MLIP: variants seen among roughly 807,000 people sequenced by gnomAD.
The protein encoded by MLIP is muscular LMNA-interacting protein.
MLIP carries 79 observed loss-of-function variants against 84.8 expected under a neutral mutation model. The ratio of observed to expected loss-of-function variants is 0.93; its 90% CI spans 0.78 to 1.12. MLIP has a LOEUF of 1.12. MLIP is among the 50% of genes most tolerant of loss of function. The probability of loss-of-function intolerance (pLI) is 0.00; values close to 1 mark genes in which losing one functional copy is unlikely to be tolerated. For missense variants in MLIP, 1,257 were observed against 1,160.6 expected, an observed-to-expected ratio of 1.08 and a Z score of -1.21; for synonymous variants, 504 against 463.0, an observed-to-expected ratio of 1.09 and a Z score of -1.14.
chr6:54,049,527 T>G (rs990046646), intron 1 of MLIP, among the ~76,000 whole-genome samples: 3 of 152,138 alleles, frequency 2.0e-5, no homozygotes, highest in Admixed American at 2.0e-4. Flanking sequence ...CCCACAAAGA[T>G]AAATGTTAGG....
chr6:54,240,095 A>T (rs971634427), intron 12 of MLIP, among the ~76,000 whole-genome samples: 1 of 152,122 alleles, frequency 6.6e-6, no homozygotes, highest in Non-Finnish European at 1.5e-5. Flanking sequence ...AGTAATTCAA[A>T]CTCTTGCTTT....
chr6:54,149,703 A>C (rs1773236135), intron 5 of MLIP, among the ~76,000 whole-genome samples: 1 of 152,150 alleles, frequency 6.6e-6, no homozygotes, highest in Non-Finnish European at 1.5e-5. Context: ...ACAGAAGGGA[A>C]GACTGAGATG....
At chr6:54,062,551 C>T (rs934914609) in intron 1 of MLIP, among the ~76,000 whole-genome samples, 4 of 152,072 alleles carry the variant, frequency 2.6e-5, no homozygotes, top group African/African-American at 4.8e-5. Context: ...CTGATTTACT[C>T]GCCTTCCATA....
chr6:54,080,200 A>T (rs764901374), intron 1 of MLIP, among the ~76,000 whole-genome samples: 20 of 151,478 alleles, frequency 1.3e-4, no homozygotes, highest in Middle Eastern at 6.3e-3. Flanking sequence ...TGCTTCCCTT[A>T]CCTCCTCTGG....
intron 12 of MLIP, among the ~76,000 whole-genome samples, chr6:54,237,026 C>T (rs551771350): frequency 6.6e-5 from 10 of 152,008 alleles, no homozygotes; most frequent in Admixed American, 4.6e-4. Context: ...GACATAACTG[C>T]TGTGAATAAT....
intron 12 of MLIP, among the ~76,000 whole-genome samples, chr6:54,254,372 G>GC (rs1562112890): frequency 6.6e-6 from 1 of 151,766 alleles, no homozygotes; most frequent in Non-Finnish European, 1.5e-5. Context: ...TGATCCACCC[G>GC]CCTAGGCCTC....
At chr6:54,109,337 A>G (rs1224847097), upstream of MLIP, among the ~76,000 whole-genome samples, 1 of 152,130 alleles carries the variant, frequency 6.6e-6, no homozygotes, top group Admixed American at 6.5e-5. Flanking sequence ...AGAGCTAAGA[A>G]TCTGTGGAAA....
chr6:54,255,551 A>G (rs1782951101), intron 12 of MLIP, among the ~76,000 whole-genome samples: 1 of 152,224 alleles, frequency 6.6e-6, no homozygotes, highest in African/African-American at 2.4e-5. Context: ...TGCCAAAGCT[A>G]AATATAAATG....
At chr6:54,021,612 TTA>T (rs1305240667) in intron 1 of MLIP, among the ~76,000 whole-genome samples, 2 of 152,216 alleles carry the variant, frequency 1.3e-5, no homozygotes, top group Non-Finnish European at 1.5e-5. Context: ...AATATAAATC[TTA>T]TCTTACCCTG....
At chr6:54,073,178 G>C (rs374374437) in intron 1 of MLIP, among the ~76,000 whole-genome samples, 2 of 152,184 alleles carry the variant, frequency 1.3e-5, no homozygotes, top group Non-Finnish European at 2.9e-5. Flanking sequence ...AGGAGAGCTG[G>C]GGGGTGGAAC....
chr6:54,072,008 A>C (rs1019816970), intron 1 of MLIP, among the ~76,000 whole-genome samples: 1 of 152,174 alleles, frequency 6.6e-6, no homozygotes, highest in African/African-American at 2.4e-5. Flanking sequence ...TTTCCCTTTG[A>C]TCATTTCAGA....
chr6:54,188,828 G>A (rs1157396964), intron 9 of MLIP, among the ~76,000 whole-genome samples: 5 of 152,162 alleles, frequency 3.3e-5, no homozygotes, highest in African/African-American at 1.2e-4. Flanking sequence ...GCACATCATA[G>A]TGAAATTACA....
At chr6:54,146,268 T>A (rs1772822159) in intron 4 of MLIP, among the ~76,000 whole-genome samples, 1 of 152,240 alleles carries the variant, frequency 6.6e-6, no homozygotes, top group Non-Finnish European at 1.5e-5. Flanking sequence ...TCCCAATTAT[T>A]ATCTTCATTA....
At position 54,138,055 on chromosome 6, in the gene MLIP, C is replaced by G. The variant is rs1181503902; in HGVS notation, c.1986C>G (p.Leu662=). The G allele has an allele frequency of 6.5e-7, 1 of 1,536,166 alleles. No individual in the cohort carries two copies. Among genetic ancestry groups the G allele is most frequent in the African/African-American group, 1.4e-5 (1 of 73,164 alleles). ...ASLPNLRSSS[L]PHANLPTLVP... ...TTCCCAACTTGAGGTCCTCCTCTCTCCCTCATGCCAATCTGCCCACCCTGG... is the reference window on the plus strand; with the variant it reads ...TTCCCAACTTGAGGTCCTCCTCTCTGCCTCATGCCAATCTGCCCACCCTGG... Residue 662 remains leucine, a synonymous_variant, in exon 4 of 14, where the codon CTC becomes CTG. Transcript: ENST00000502396.
chr6:54,134,374 T>G (rs1164180440), intron 3 of MLIP, among the ~76,000 whole-genome samples: 1 of 152,074 alleles, frequency 6.6e-6, no homozygotes, highest in African/African-American at 2.4e-5. Flanking sequence ...ATTTTTATAT[T>G]GGTACAAATT....
At chr6:54,122,581 T>C (rs951174630) in intron 2 of MLIP, among the ~76,000 whole-genome samples, 4 of 152,218 alleles carry the variant, frequency 2.6e-5, no homozygotes, top group Admixed American at 2.0e-4. Flanking sequence ...CAAGAAAACA[T>C]CTTATCTAGA....
chr6:54,189,039 A>G (rs1366663774), intron 9 of MLIP, among the ~76,000 whole-genome samples: 1 of 152,222 alleles, frequency 6.6e-6, no homozygotes, highest in Non-Finnish European at 1.5e-5. Flanking sequence ...ACATTTTCAG[A>G]CAACATCCAA....
intron 11 of MLIP, among the ~76,000 whole-genome samples, chr6:54,227,430 A>C (rs1346337159): frequency 6.6e-6 from 1 of 152,238 alleles, no homozygotes; most frequent in African/African-American, 2.4e-5. Context: ...GAAAAAGAGA[A>C]GGAAATGATA....
intron 1 of MLIP, among the ~76,000 whole-genome samples, chr6:54,071,329 G>C (rs1300555402): frequency 6.7e-6 from 1 of 148,398 alleles, no homozygotes; most frequent in Non-Finnish European, 1.5e-5. Flanking sequence ...TCTTCAAAAA[G>C]AAAAAAAAAC....
Sources: gnomAD v4.1 joint callset for allele counts (sites outside exome capture counted in the v4.1 genomes callset) on GRCh38, gnomAD v4.1.1 for gene constraint, MANE v1.5 for transcripts, NCBI Gene and HGNC (gene_info 2026-07-23, HGNC 2026-07-21) for gene names.